The following EPB41L4A variants were observed in gnomAD, a reference collection of about 807,000 sequenced individuals.
EPB41L4A encodes the protein band 4.1-like protein 4A.
EPB41L4A carries 100 observed loss-of-function variants against 108.6 expected under a neutral mutation model. The observed-to-expected ratio is 0.92, with a 90% CI of 0.78 to 1.09. The LOEUF (loss-of-function observed/expected upper bound fraction) is 1.09, where lower values mean the gene tolerates loss of function less well. EPB41L4A is among the 50% of genes least tolerant of loss of function. The pLI is 0.00. For synonymous variants in EPB41L4A, 319 were observed against 289.0 expected (o/e 1.10, Z -1.05); for missense variants, 1,030 against 842.7 (o/e 1.22, Z -2.75).
chr5:112,378,126 G>C (rs1409937300), intron 1 of EPB41L4A, among the ~76,000 whole-genome samples: 1 of 152,140 alleles, frequency 6.6e-6, no homozygotes, highest in Non-Finnish European at 1.5e-5. Context: ...AACATAAAAA[G>C]ATGAAAATCT....
At chr5:112,375,818 T>C (rs980232059) in intron 1 of EPB41L4A, among the ~76,000 whole-genome samples, 1 of 152,138 alleles carries the variant, frequency 6.6e-6, no homozygotes, top group African/African-American at 2.4e-5. Flanking sequence ...AATTTGCCTT[T>C]GGATTGATGG....
At chr5:112,199,703 C>T (rs1201715401) in intron 15 of EPB41L4A, among the ~76,000 whole-genome samples, 1 of 152,184 alleles carries the variant, frequency 6.6e-6, no homozygotes, top group African/African-American at 2.4e-5. Context: ...CCTGATGATT[C>T]TACTTCTACG....
At chr5:112,198,974 T>G (rs1762093506) in intron 15 of EPB41L4A, among the ~76,000 whole-genome samples, 1 of 152,148 alleles carries the variant, frequency 6.6e-6, no homozygotes, top group South Asian at 2.1e-4. Context: ...GAAGCAATGC[T>G]CAAATGCAGG....
At chr5:112,383,011 G>A (rs1358520677) in intron 1 of EPB41L4A, among the ~76,000 whole-genome samples, 1 of 152,206 alleles carries the variant, frequency 6.6e-6, no homozygotes, top group African/African-American at 2.4e-5. Context: ...AAGCTAGAAA[G>A]GAAAGACCAA....
In EPB41L4A at chr5:112,354,802, T is replaced by C. The variant is rs1365085843; in HGVS notation, c.100-47312A>G. Among the ~76,000 whole-genome samples, 7 of 152,216 alleles carry C rather than the reference T, an allele frequency of 4.6e-5. No individual in the cohort carries two copies. In the East Asian group the frequency reaches 1.2e-3, roughly 25 times the overall value. On this transcript the variant is annotated intron_variant, in intron 1 of 22. Transcript: ENST00000261486. ...TCTAGTTCAAACCTGGCTTAATTGA[T>C]GTTGTAGTCTTTGCAAACCATATGC...
At chr5:112,374,434 G>A (rs1759683536) in intron 1 of EPB41L4A, among the ~76,000 whole-genome samples, 1 of 152,182 alleles carries the variant, frequency 6.6e-6, no homozygotes, top group Non-Finnish European at 1.5e-5. Context: ...GACAGTTAAA[G>A]ATGATGAAAA....
intron 9 of EPB41L4A, among the ~76,000 whole-genome samples, chr5:112,242,053 T>C (rs1465469332): frequency 6.6e-6 from 1 of 152,216 alleles, no homozygotes; most frequent in Non-Finnish European, 1.5e-5. Flanking sequence ...TCAATGTTGA[T>C]GGCTACTGAC....
chr5:112,340,812 T>G (rs1757269192), intron 1 of EPB41L4A, among the ~76,000 whole-genome samples: 1 of 152,220 alleles, frequency 6.6e-6, no homozygotes, highest in African/African-American at 2.4e-5. Flanking sequence ...GAGATTCAAT[T>G]TCGACAGCAA....
intron 1 of EPB41L4A, among the ~76,000 whole-genome samples, chr5:112,370,933 T>C (rs878867179): frequency 1.3e-5 from 2 of 152,306 alleles, no homozygotes; most frequent in African/African-American, 2.4e-5. Flanking sequence ...AATGAGACTC[T>C]GTCTCAAAAA....
At chr5:112,211,732 G>C (rs923764357) in intron 12 of EPB41L4A, among the ~76,000 whole-genome samples, 7 of 152,318 alleles carry the variant, frequency 4.6e-5, no homozygotes, top group African/African-American at 1.4e-4. Context: ...TGGGAAGTAT[G>C]TCTGGCTTAC....
At chr5:112,371,897 G>T (rs116608979) in intron 1 of EPB41L4A, among the ~76,000 whole-genome samples, 1,958 of 152,150 alleles carry the variant, frequency 0.013, 23 homozygotes, top group Non-Finnish European at 0.02. Context: ...TCTAGTAGAG[G>T]AGATGGACAA....
In EPB41L4A at chr5:112,274,264, A is replaced by C. The variant is rs551958153; in HGVS notation, c.335+1062T>G. ...CACTACACTCTAGCCTGTGTGACAGAGCGAGACCCTGTGTCTTAAAAAATT... is the reference window on the plus strand; with the variant it reads ...CACTACACTCTAGCCTGTGTGACAGCGCGAGACCCTGTGTCTTAAAAAATT... On this transcript the variant is annotated intron_variant, in intron 4 of 22. Coordinates refer to ENST00000261486, the MANE Select transcript of EPB41L4A (RefSeq NM_022140.5). Among the ~76,000 whole-genome samples the C allele has an allele frequency of 6.6e-5, 10 of 152,320 alleles. No homozygotes were observed. In the South Asian group the frequency reaches 2.1e-3, roughly 32 times the overall value.
At chr5:112,343,151 G>C (rs902465662) in intron 1 of EPB41L4A, among the ~76,000 whole-genome samples, 1 of 152,152 alleles carries the variant, frequency 6.6e-6, no homozygotes, top group Non-Finnish European at 1.5e-5. Context: ...GGGTTCTCAA[G>C]TGCTTTGAAG....
chr5:112,266,359 C>T (rs754093068), intron 4 of EPB41L4A, 29 bp from the exon 5 acceptor site: 6 of 1,455,546 alleles, frequency 4.1e-6, no homozygotes, highest in Non-Finnish European at 3.8e-6. Context: ...GAGAGATTAA[C>T]GATCTCTTAC....
At chr5:112,254,086 C>G (rs1012517942) in intron 9 of EPB41L4A, among the ~76,000 whole-genome samples, 10 of 152,152 alleles carry the variant, frequency 6.6e-5, no homozygotes, top group African/African-American at 1.7e-4. Context: ...GTAACTTTAG[C>G]TGAGGTTAGT....
intron 9 of EPB41L4A, chr5:112,257,014 A>G (rs1175062620): frequency 6.6e-6 from 1 of 152,184 alleles, no homozygotes; most frequent in Admixed American, 6.5e-5. Context: ...GACCATACTA[A>G]GTCTTTCTGA....
downstream of EPB41L4A, among the ~76,000 whole-genome samples, chr5:112,160,077 A>C (rs747432605): frequency 1.6e-4 from 24 of 151,250 alleles, no homozygotes; most frequent in Non-Finnish European, 3.1e-4. Flanking sequence ...AGCCCAAGTA[A>C]TTTTTGTATT....
intron 14 of EPB41L4A, among the ~76,000 whole-genome samples, chr5:112,204,968 A>T (rs2150298804): frequency 6.6e-6 from 1 of 152,336 alleles, no homozygotes; most frequent in Admixed American, 6.5e-5. Flanking sequence ...TTGAACTATA[A>T]GTTACAACAC....
chr5:112,258,881 C>A (rs561025063), intron 9 of EPB41L4A, among the ~76,000 whole-genome samples: 1 of 152,318 alleles, frequency 6.6e-6, no homozygotes, highest in Admixed American at 6.5e-5. Context: ...TTTTGGCAGT[C>A]CTGAATGCAG....
Sources: gnomAD v4.1 joint callset for allele counts (sites outside exome capture counted in the v4.1 genomes callset) on GRCh38, gnomAD v4.1.1 for gene constraint, MANE v1.5 for transcripts, NCBI Gene and HGNC (gene_info 2026-07-23, HGNC 2026-07-21) for gene names.